The following GRIP1 variants were observed in gnomAD, a reference collection of about 807,000 sequenced individuals.
GRIP1 encodes glutamate receptor-interacting protein 1.
GRIP1 carries 45 observed loss-of-function variants against 129.9 expected under a neutral mutation model. The observed-to-expected ratio is 0.35, with a 90% CI of 0.27 to 0.44. GRIP1 has a LOEUF of 0.44. Ranked by LOEUF, GRIP1 falls within the 20% of genes least tolerant of loss-of-function variation. The probability of loss-of-function intolerance (pLI) is 1.00; values close to 1 mark genes in which losing one functional copy is unlikely to be tolerated. For synonymous variants in GRIP1, 530 were observed against 520.8 expected, an observed-to-expected ratio of 1.02 and a Z score of -0.24; for missense variants, 1,196 against 1,396.8, an observed-to-expected ratio of 0.86 and a Z score of 2.29.
At chr12:66,847,822 A>G (rs901383139) in intron 1 of GRIP1, among the ~76,000 whole-genome samples, 1 of 152,196 alleles carries the variant, frequency 6.6e-6, no homozygotes, top group Admixed American at 6.5e-5. Flanking sequence ...ATGGTAGTTA[A>G]AAACTCATTT....
intron 1 of GRIP1, among the ~76,000 whole-genome samples, chr12:66,699,325 A>G (rs999142465): frequency 6.6e-6 from 1 of 152,208 alleles, no homozygotes; most frequent in Non-Finnish European, 1.5e-5. Flanking sequence ...AGAGAGTGAT[A>G]TGGCTTGGCT....
intron 23 of GRIP1, 134 bp from the exon 24 acceptor site, chr12:66,353,697 G>A: frequency 1.2e-6 from 1 of 805,846 alleles, no homozygotes. Flanking sequence ...TCAGCTCCCT[G>A]CACCAATCCT....
chr12:66,659,555 A>C (rs1177200981), intron 1 of GRIP1, among the ~76,000 whole-genome samples: 1 of 152,228 alleles, frequency 6.6e-6, no homozygotes, highest in Non-Finnish European at 1.5e-5. Flanking sequence ...TGTGAATGTT[A>C]AGGTGTTTCC....
chr12:66,535,700 A>G (rs1037415721), intron 4 of GRIP1, among the ~76,000 whole-genome samples: 1 of 152,226 alleles, frequency 6.6e-6, no homozygotes, highest in African/African-American at 2.4e-5. Flanking sequence ...ATAGTCTTAA[A>G]TTGATTTTGT....
chr12:66,699,336 G>A (rs1327754469), intron 1 of GRIP1, among the ~76,000 whole-genome samples: 3 of 152,316 alleles, frequency 2.0e-5, no homozygotes, highest in African/African-American at 4.8e-5. Context: ...TGGCTTGGCT[G>A]TGTCCCCACC....
intron 16 of GRIP1, among the ~76,000 whole-genome samples, chr12:66,401,605 T>C (rs1289266708): frequency 8.0e-6 from 1 of 124,484 alleles, no homozygotes; most frequent in African/African-American, 3.4e-5. Context: ...TGTGTATATA[T>C]ATATACACAC....
At chr12:66,414,984 T>TAAAATAAAAC (rs2057542580) in intron 15 of GRIP1, among the ~76,000 whole-genome samples, 1 of 137,630 alleles carries the variant, frequency 7.3e-6, no homozygotes, top group Non-Finnish European at 1.6e-5. Context: ...TAAAATAAAA[T>TAAAATAAAAC]AAAATGGATT....
rs755976087 is a variant in GRIP1, at chr12:66,596,830, C to T, written c.136+17G>A. On this transcript the variant is annotated intron_variant, in intron 2 of 24. Coordinates refer to ENST00000359742, the MANE Select transcript of GRIP1 (RefSeq NM_001366722.1). ...TCAAAAGTAAAACAGCTGAAAAATC[C>T]AACAGTCTGGTCTAACCTGGGATGC... 3.2e-6 allele frequency: 5 copies of T among 1,557,468 alleles called. No homozygotes were observed. In the South Asian group the frequency reaches 4.4e-5, roughly 14 times the overall value.
intron 1 of GRIP1, among the ~76,000 whole-genome samples, chr12:66,730,834 T>G (rs2036414597): frequency 6.6e-6 from 1 of 152,112 alleles, no homozygotes; most frequent in Non-Finnish European, 1.5e-5. Context: ...AAAATGTATA[T>G]TACCTTTCTC....
At chr12:66,736,970 C>T (rs1323784987) in intron 1 of GRIP1, among the ~76,000 whole-genome samples, 2 of 150,532 alleles carry the variant, frequency 1.3e-5, no homozygotes, top group African/African-American at 4.9e-5. Flanking sequence ...CTAACATTCC[C>T]TGGGCTCTGC....
chr12:66,595,232 A>T (rs2064001104), intron 2 of GRIP1, among the ~76,000 whole-genome samples: 1 of 152,340 alleles, frequency 6.6e-6, no homozygotes, highest in East Asian at 1.9e-4. Flanking sequence ...AGAAGGAAAA[A>T]ACAAAATTCA....
At chr12:66,448,509 T>C (rs148717030) in intron 11 of GRIP1, among the ~76,000 whole-genome samples, 4 of 152,284 alleles carry the variant, frequency 2.6e-5, no homozygotes, top group Non-Finnish European at 5.9e-5. Context: ...CAGATGAACC[T>C]CCTGTCAAAC....
At chr12:66,856,118 G>A (rs987397602) in intron 1 of GRIP1, among the ~76,000 whole-genome samples, 5 of 151,974 alleles carry the variant, frequency 3.3e-5, no homozygotes, top group African/African-American at 4.8e-5. Flanking sequence ...ACAAGAAATG[G>A]GGAAAGGATT....
Position 66,678,970 on chromosome 12 carries a change from G to C in GRIP1, c.-66C>G. On this transcript the variant is annotated 5_prime_UTR_variant, in exon 1 of 25. Coordinates refer to ENST00000359742, the MANE Select transcript of GRIP1 (RefSeq NM_001366722.1). The stretch of plus-strand genomic sequence containing the variant: ...CTCTGCTCTGGTGGCTGCAGCAGCA[G>C]CAGCATATGAATTCCTTGCGCACAT... 6.2e-7 allele frequency: 1 copy of C among 1,611,100 alleles called. No homozygotes were observed. The highest frequency in any genetic ancestry group is 1.1e-5 in the South Asian group (1 of 90,870).
chr12:67,004,953 A>T (rs969444630), intron 1 of GRIP1, among the ~76,000 whole-genome samples: 1 of 152,162 alleles, frequency 6.6e-6, no homozygotes, highest in African/African-American at 2.4e-5. Context: ...GCAATGGGGA[A>T]ATCCATCTTC....
intron 23 of GRIP1, among the ~76,000 whole-genome samples, chr12:66,355,565 C>G (rs955279983): frequency 6.6e-6 from 1 of 152,138 alleles, no homozygotes; most frequent in Non-Finnish European, 1.5e-5. Flanking sequence ...CCGGCCCCAC[C>G]ACCCACCGCC....
At chr12:66,409,232 C>T (rs1393052449) in intron 15 of GRIP1, among the ~76,000 whole-genome samples, 1 of 152,128 alleles carries the variant, frequency 6.6e-6, no homozygotes, top group Middle Eastern at 3.2e-3. Context: ...CCTAGTACCA[C>T]GTTGGCTTCA....
rs115272657 is a variant in GRIP1, at chr12:66,956,182, T to A, written c.58+112868A>T. ...TGTCCTTTTCCACTCCTGGACAGCA[T>A]GTCGCATTAGTCATCGGGCCTGTTT... On this transcript the variant is annotated intron_variant, in intron 1 of 1. Transcript: ENST00000643019. 2.5e-3 allele frequency among the ~76,000 whole-genome samples: 375 copies of A among 152,330 alleles called. 2 individuals carry two copies. The highest frequency in any genetic ancestry group is 0.01 in the Middle Eastern group (3 of 294).
rs569743270 is a variant in GRIP1, at chr12:66,524,419, T to C, written c.502+5412A>G. ...ACATGGAAACTGAACAACCTGCTCC[T>C]GAATGACTACTGGGTACATAACGAA... On this transcript the variant is annotated intron_variant, in intron 5 of 24. Coordinates refer to ENST00000359742, the MANE Select transcript of GRIP1 (RefSeq NM_001366722.1). Among the ~76,000 whole-genome samples the C allele has an allele frequency of 5.3e-5, 8 of 152,270 alleles. No individual in the cohort carries two copies. In the East Asian group the frequency reaches 1.5e-3, roughly 29 times the overall value.
Sources: gnomAD v4.1 joint callset for allele counts (sites outside exome capture counted in the v4.1 genomes callset) on GRCh38, gnomAD v4.1.1 for gene constraint, MANE v1.5 for transcripts, NCBI Gene and HGNC (gene_info 2026-07-23, HGNC 2026-07-21) for gene names.